SMNDC1: variants seen among roughly 807,000 people sequenced by gnomAD.
SMNDC1 encodes the protein survival motor neuron domain containing 1.
Under a neutral mutation model 29.2 loss-of-function variants are expected in SMNDC1, and 5 were observed. That is an observed-to-expected ratio of 0.17 (90% CI 0.09 to 0.36). SMNDC1 has a LOEUF of 0.36. SMNDC1 is among the 10% of genes least tolerant of loss of function. The probability of loss-of-function intolerance (pLI) is 1.00; values close to 1 mark genes in which losing one functional copy is unlikely to be tolerated. For synonymous variants in SMNDC1, 80 were observed against 89.9 expected (o/e 0.89, Z 0.62); for missense variants, 142 against 268.5 (o/e 0.53, Z 3.29).
At chr10:110,296,821 A>G (rs902254897) in intron 4 of SMNDC1, among the ~76,000 whole-genome samples, 7 of 152,170 alleles carry the variant, frequency 4.6e-5, no homozygotes, top group Admixed American at 6.5e-5. Flanking sequence ...TTTTTACCAC[A>G]GGGATTTGTT....
rs1279904367 is a variant in SMNDC1 at position 110,293,310 on chromosome 10, T to G, written c.*840A>C. On this transcript the variant is annotated 3_prime_UTR_variant, in exon 6 of 6. Coordinates refer to ENST00000369603, the MANE Select transcript of SMNDC1 (RefSeq NM_005871.4). ...TTAATGCACAAGAAATACAAGAAAT[T>G]TTTAATGATGAAATATTCAGTATTC... 6.6e-6 allele frequency: 1 copy of G among 152,576 alleles called. No homozygotes were observed. Among genetic ancestry groups the G allele is most frequent in the Non-Finnish European group, 1.5e-5 (1 of 68,012 alleles). 9.5% of individuals were successfully genotyped at this position (152,576 alleles called of 1,614,324 possible). A position where few individuals can be genotyped will look rare whatever the true frequency, so the allele number is the denominator to read the frequency against.
intron 2 of SMNDC1, 141 bp from the exon 3 acceptor site, chr10:110,298,931 T>C (rs1158737494): frequency 3.3e-6 from 2 of 599,364 alleles, no homozygotes; most frequent in Non-Finnish European, 2.9e-6. Context: ...AAGCAAGTAC[T>C]GTGATTATCC....
rs1032107038 is a variant in SMNDC1 at position 110,303,338 on chromosome 10, A to G, written c.120+130T>C. 3 of 693,346 alleles carry G rather than the reference A, an allele frequency of 4.3e-6. No individual in the cohort carries two copies. In the African/African-American group the frequency reaches 5.6e-5, roughly 13 times the overall value. The allele number at this position is 693,346 out of a possible 1,614,324, so 42.9% of individuals were successfully genotyped here. A position where few individuals can be genotyped will look rare whatever the true frequency, so the allele number is the denominator to read the frequency against. On this transcript the variant is annotated intron_variant, in intron 2 of 5. Transcript: ENST00000369603. ...GGAAGCAACCCTACTTCTACAAGCA[A>G]TGGTACCTACAGAATTTACATATAT...
chr10:110,298,522 C>G, intron 3 of SMNDC1, 126 bp downstream of exon 3: 2 of 692,496 alleles, frequency 2.9e-6, no homozygotes, highest in South Asian at 5.6e-5. Flanking sequence ...ATCAAATTGG[C>G]TCTATAAATC....
At chr10:110,294,317 G>C (rs1163279633) in intron 5 of SMNDC1, 30 bp from the exon 6 acceptor site, 26 of 1,537,318 alleles carry the variant, frequency 1.7e-5, no homozygotes, top group African/African-American at 1.0e-4. Context: ...AATCATTCCT[G>C]ATTAGTGTTG....
Position 110,295,229 on chromosome 10 carries a change from TG to T in SMNDC1, c.577del (p.Gln193ArgfsTer2). The stretch of plus-strand genomic sequence containing the variant: ...CAAAGTGTAAAAAGATTTACCAACC[TG>T]GCCTTTTTTGTTTTTAGAATAGGCT... Reference protein sequence around the residue: ...NRAYSKNKKGQVKRSIFASPE... With the variant: ...NRAYSKNKKGXVKRSIFASPE... On this transcript the variant is annotated frameshift_variant and splice_region_variant, in exon 5 of 6. Transcript: ENST00000369603. LOFTEE classifies it high-confidence loss of function. The T allele has an allele frequency of 6.3e-7, 1 of 1,587,288 alleles. No individual in the cohort carries two copies.
At chr10:110,295,725 T>G (rs1208203601) in intron 4 of SMNDC1, among the ~76,000 whole-genome samples, 1 of 150,946 alleles carries the variant, frequency 6.6e-6, no homozygotes, top group Non-Finnish European at 1.5e-5. Context: ...CACAGCAACC[T>G]CCACCTCCTG....
Position 110,298,647 on chromosome 10 carries a change from C to A in SMNDC1, c.263+1G>T. The stretch of plus-strand genomic sequence containing the variant: ...GTTAGAGTTTTTTTTTCTACACTTA[C>A]TGTCCATCTTCACTCCAGACTGCCA... On this transcript the variant is annotated splice_donor_variant, in intron 3 of 5. Transcript: ENST00000369603. LOFTEE classifies it high-confidence loss of function. The A allele has an allele frequency of 6.3e-7, 1 of 1,599,560 alleles. No homozygotes were observed. Among genetic ancestry groups the A allele is most frequent in the African/African-American group, 1.4e-5 (1 of 74,044 alleles).
At chr10:110,303,634 C>A in intron 1 of SMNDC1, 47 bp from the exon 2 acceptor site, 1 of 1,534,884 alleles carries the variant, frequency 6.5e-7, no homozygotes, top group South Asian at 1.3e-5. Context: ...AACCAAAAAT[C>A]AAGGCATAAA....
At chr10:110,302,817 C>CA (rs1340124066) in intron 2 of SMNDC1, among the ~76,000 whole-genome samples, 2 of 151,704 alleles carry the variant, frequency 1.3e-5, no homozygotes, top group Non-Finnish European at 2.9e-5. Flanking sequence ...TGCAGGTTTT[C>CA]AAAAAAAGGT....
At chr10:110,297,039 T>A (rs1857572543) in intron 4 of SMNDC1, among the ~76,000 whole-genome samples, 1 of 152,192 alleles carries the variant, frequency 6.6e-6, no homozygotes, top group Non-Finnish European at 1.5e-5. Flanking sequence ...CAAGCCCAGA[T>A]CAACATCATA....
chr10:110,296,126 T>C (rs1857559352), intron 4 of SMNDC1, among the ~76,000 whole-genome samples: 1 of 152,204 alleles, frequency 6.6e-6, no homozygotes, highest in Non-Finnish European at 1.5e-5. Context: ...TTACCTACAT[T>C]GGAAGAATGC....
At chr10:110,299,204 G>A (rs1857610647) in intron 2 of SMNDC1, among the ~76,000 whole-genome samples, 1 of 152,146 alleles carries the variant, frequency 6.6e-6, no homozygotes, top group African/African-American at 2.4e-5. Context: ...TTACTCAGCA[G>A]TATTAACTGC....
At chr10:110,297,170 G>A (rs1857576049) in intron 4 of SMNDC1, among the ~76,000 whole-genome samples, 1 of 152,122 alleles carries the variant, frequency 6.6e-6, no homozygotes, top group African/African-American at 2.4e-5. Context: ...TTCCCTTACA[G>A]TACCTGTTAT....
intron 1 of SMNDC1, 129 bp from the exon 2 acceptor site, chr10:110,303,716 AC>A: frequency 1.3e-6 from 1 of 747,512 alleles, no homozygotes; most frequent in South Asian, 2.0e-5. Flanking sequence ...AGCTTAATTT[AC>A]CACCATTACC....
chr10:110,298,176 A>C (rs1857594137), intron 3 of SMNDC1, among the ~76,000 whole-genome samples: 1 of 151,974 alleles, frequency 6.6e-6, no homozygotes, highest in Non-Finnish European at 1.5e-5. Context: ...TTTAGTAGAG[A>C]TGGGGTTTCA....
chr10:110,297,620 A>T lies in SMNDC1; in HGVS notation c.372T>A (p.Pro124=). 1 of 1,613,998 alleles carries T rather than the reference A, an allele frequency of 6.2e-7. No homozygotes were observed. ...AEVTPLLNLK[P]VEEGRKAKED... ...CCTTTGCCTTCCTTCCTTCTTCTAC[A>T]GGCTTGAGGTTCAACAGTGGAGTCA... The change falls in exon 4 of 6, where the codon CCT becomes CCA. Residue 124 remains proline (P), a synonymous_variant. Coordinates refer to ENST00000369603, the MANE Select transcript of SMNDC1 (RefSeq NM_005871.4).
chr10:110,300,482 G>T, intron 2 of SMNDC1: 4 of 794,736 alleles, frequency 5.0e-6, no homozygotes, highest in Non-Finnish European at 6.1e-6. Flanking sequence ...TTCTTCACAT[G>T]TGCGTATGGA....
chr10:110,302,187 T>C (rs550337780), intron 2 of SMNDC1, among the ~76,000 whole-genome samples: 132 of 152,274 alleles, frequency 8.7e-4, no homozygotes, highest in South Asian at 1.9e-3. Flanking sequence ...CAATGTATAC[T>C]CACAACATAT....
Sources: allele counts gnomAD v4.1 joint callset (sites outside exome capture counted in the v4.1 genomes callset), GRCh38; gene constraint gnomAD v4.1.1; transcripts MANE v1.5; gene names NCBI Gene and HGNC (gene_info 2026-07-23, HGNC 2026-07-21).